Variants in CD4 observed in about 807,000 individuals in gnomAD.
CD4 encodes T-cell surface glycoprotein CD4.
Under a neutral mutation model 50.5 loss-of-function variants are expected in CD4, and 25 were observed. That is an observed-to-expected ratio of 0.49 (90% confidence interval 0.36 to 0.69). CD4 has a LOEUF of 0.69. Ranked by LOEUF, CD4 falls within the 30% of genes least tolerant of loss-of-function variation. CD4 has a pLI of 0.00. For missense variants in CD4, 456 were observed against 548.5 expected (o/e 0.83, Z 1.68); for synonymous variants, 207 against 221.9 (o/e 0.93, Z 0.60).
intron 1 of CD4, among the ~76,000 whole-genome samples, chr12:6,798,208 C>T (rs10849518): frequency 0.13 from 16,327 of 129,732 alleles, 2,985 homozygotes; most frequent in East Asian, 0.34. Context: ...CTTGCTCTGT[C>T]GCCCAGGCTG....
Position 6,808,450 on chromosome 12 carries a change from C to CAAAAAAAA in CD4, c.215-5667_215-5660dup, listed in dbSNP as rs3032789. 5.2e-3 allele frequency among the ~76,000 whole-genome samples: 198 copies of CAAAAAAAA among 37,742 alleles called. 19 individuals carry two copies. Among genetic ancestry groups the CAAAAAAAA allele is most frequent in the Non-Finnish European group, 8.7e-3 (95 of 10,866 alleles). 24.8% of individuals were successfully genotyped at this position (37,742 alleles called of 152,430 possible). On this transcript the variant is annotated intron_variant, in intron 3 of 9. Transcript: ENST00000011653. ...TGGGTGACAAAGTGAGATTCTGTCT[C>CAAAAAAAA]AAAAAAAAAAAAAAAAAAAAAAAAA... is the stretch of plus-strand genomic sequence containing the variant.
chr12:6,798,097 G>A (rs1488376354), intron 1 of CD4, among the ~76,000 whole-genome samples: 1 of 152,014 alleles, frequency 6.6e-6, no homozygotes, highest in Non-Finnish European at 1.5e-5. Flanking sequence ...CTTCCACAGT[G>A]TATTGTGTCT....
At chr12:6,796,580 A>T (rs1304082073) in intron 1 of CD4, among the ~76,000 whole-genome samples, 1 of 152,118 alleles carries the variant, frequency 6.6e-6, no homozygotes, top group Non-Finnish European at 1.5e-5. Context: ...GTCCCATGTC[A>T]TCTGGTCCCC....
chr12:6,817,441 G>A, intron 7 of CD4, 111 bp downstream of exon 7: 2 of 904,742 alleles, frequency 2.2e-6, no homozygotes, highest in East Asian at 5.3e-5. Context: ...GGGGGTTATG[G>A]GTATGGTGTC....
At position 6,816,106 on chromosome 12, in the gene CD4, G is replaced by C. The variant is rs200486856; in HGVS notation, c.658G>C (p.Glu220Gln). 48 of 1,614,078 alleles carry C rather than the reference G, an allele frequency of 3.0e-5. No homozygotes were observed. Among genetic ancestry groups the C allele is most frequent in the Non-Finnish European group, 2.5e-6 (3 of 1,180,044 alleles). ...CTATAAGAAAGAGGGGGAACAGGTG[G>C]AGTTCTCCTTCCCACTCGCCTTTAC... The part of the protein sequence containing the change: ...IVYKKEGEQV[E>Q]FSFPLAFTVE... Residue 220 changes from glutamate (E) to glutamine (Q), a missense_variant, in exon 6 of 10, where the codon GAG becomes CAG. Physicochemically the swap from Glu to Gln is conservative, Grantham distance 29. Coordinates refer to ENST00000011653, the MANE Select transcript of CD4 (RefSeq NM_000616.5). The surrounding 1 kb of genome is among the most constrained non-coding windows in gnomAD (Gnocchi z 4.9).
rs1943149371 is a variant in CD4, at chr12:6,818,103, C to T, written c.1157-318C>T. On this transcript the variant is annotated intron_variant, in intron 7 of 9. Coordinates refer to ENST00000011653, the MANE Select transcript of CD4 (RefSeq NM_000616.5). This position sits in a 1 kb window ranked among gnomAD's most constrained non-coding sequence, Gnocchi z 5.0. ...ATGGACTCACACGCGCACACGCGCG[C>T]ACACACACACATTCACACCATTCAC... Among the ~76,000 whole-genome samples the T allele has an allele frequency of 6.8e-6, 1 of 147,842 alleles. No homozygotes were observed. Among genetic ancestry groups the T allele is most frequent in the Non-Finnish European group, 1.5e-5 (1 of 67,162 alleles).
In CD4 at chr12:6,800,207, G is replaced by T; in HGVS notation, c.49+20G>T. ...AACTGGGTAAGTTCTCAGACCTGGG[G>T]TCTCAATGCAGATGACGTGGGAGGA... On this transcript the variant is annotated intron_variant, in intron 2 of 9. Coordinates refer to ENST00000011653, the MANE Select transcript of CD4 (RefSeq NM_000616.5). 6.4e-7 allele frequency: 1 copy of T among 1,561,930 alleles called. No homozygotes were observed.
At position 6,796,193 on chromosome 12, in the gene CD4, C is replaced by T. The variant is rs575300509; in HGVS notation, c.-67-3879C>T. On this transcript the variant is annotated intron_variant, in intron 1 of 9. Coordinates refer to ENST00000011653, the MANE Select transcript of CD4 (RefSeq NM_000616.5). ...GTGGCCACACAGCTGGCTAGACTGT[C>T]ATCTCTGTCCTCAAGGGGCTCAAGC... Among the ~76,000 whole-genome samples, 19 of 152,328 alleles carry T rather than the reference C, an allele frequency of 1.2e-4. No homozygotes were observed. The South Asian group carries it at 2.7e-3, about 22-fold the overall frequency.
chr12:6,803,945 A>C lies in CD4; in HGVS notation c.214+3474A>C, dbSNP rs187305487. Among the ~76,000 whole-genome samples, 751 of 151,694 alleles carry C rather than the reference A, an allele frequency of 5.0e-3. 5 individuals are homozygous for C. Among genetic ancestry groups the C allele is most frequent in the African/African-American group, 0.017 (717 of 41,328 alleles). The stretch of plus-strand genomic sequence containing the variant: ...GCTAACACAGTGAAACCCTGCCTCT[A>C]CTAAAAATACAAAAAGTCATCCAGG... On this transcript the variant is annotated intron_variant, in intron 3 of 9. Transcript: ENST00000011653.
rs1943087989 is a variant in CD4 at position 6,816,486 on chromosome 12, C to A, written c.955+83C>A. 1 of 1,143,536 alleles carries A rather than the reference C, an allele frequency of 8.7e-7. No homozygotes were observed. The allele number at this position is 1,143,536 out of a possible 1,614,324, so 70.8% of individuals were successfully genotyped here. ...AGGGCTCCCTCTGAGGCAAGCCAGG[C>A]CCCAAGAGGGGATGCCTAGGCCCTG... On this transcript the variant is annotated intron_variant, in intron 6 of 9. Coordinates refer to ENST00000011653, the MANE Select transcript of CD4 (RefSeq NM_000616.5). This position sits in a 1 kb window ranked among gnomAD's most constrained non-coding sequence, Gnocchi z 4.9.
intron 3 of CD4, among the ~76,000 whole-genome samples, chr12:6,801,080 A>AT (rs1196985546): frequency 2.0e-5 from 3 of 151,220 alleles, no homozygotes; most frequent in Admixed American, 6.6e-5. Context: ...TAATTTTTGT[A>AT]TTTTTTATAG....
chr12:6,808,551 T>C (rs1355389347), intron 3 of CD4, among the ~76,000 whole-genome samples: 1 of 151,736 alleles, frequency 6.6e-6, no homozygotes, highest in Non-Finnish European at 1.5e-5. Context: ...ATTTTCTTCT[T>C]TTTAAAAAGC....
Position 6,814,750 on chromosome 12 carries a change from C to T in CD4, c.374-9C>T. ...ATGTGTGTGACACAGCTGGCCTTTC[C>T]CTCCACAGTGACTGCCAACTCTGAC... On this transcript the variant is annotated splice_polypyrimidine_tract_variant and intron_variant, in intron 4 of 9. Transcript: ENST00000011653. 1 of 1,609,128 alleles carries T rather than the reference C, an allele frequency of 6.2e-7. No homozygotes were observed. The highest frequency in any genetic ancestry group is 8.5e-7 in the Non-Finnish European group (1 of 1,175,696).
At chr12:6,812,965 T>C (rs1396505416) in intron 3 of CD4, among the ~76,000 whole-genome samples, 2 of 151,962 alleles carry the variant, frequency 1.3e-5, no homozygotes, top group East Asian at 3.9e-4. Flanking sequence ...TGGAGTGCAG[T>C]GGCATGATCA....
chr12:6,816,045 C>T lies in CD4; in HGVS notation c.608-11C>T, dbSNP rs1555117864. ...TCTCCTCACCCAGGGTCTCTCCCTT[C>T]CCACCTCCAGCTTTCCAGAAGGCCT... On this transcript the variant is annotated splice_polypyrimidine_tract_variant and intron_variant, in intron 5 of 9. Transcript: ENST00000011653. The surrounding 1 kb of genome is among the most constrained non-coding windows in gnomAD (Gnocchi z 4.9). 1.9e-6 allele frequency: 3 copies of T among 1,613,988 alleles called. No homozygotes were observed. The highest frequency in any genetic ancestry group is 2.5e-6 in the Non-Finnish European group (3 of 1,179,972).
In CD4 at chr12:6,818,084, TCACACG is replaced by T. The variant is rs1441996270; in HGVS notation, c.1157-335_1157-330del. Among the ~76,000 whole-genome samples the T allele has an allele frequency of 2.9e-5, 3 of 102,958 alleles. No individual in the cohort carries two copies. Among genetic ancestry groups the T allele is most frequent in the Non-Finnish European group, 4.2e-5 (2 of 47,596 alleles). 67.5% of individuals were successfully genotyped at this position (102,958 alleles called of 152,430 possible). A position where few individuals can be genotyped will look rare whatever the true frequency, so the allele number is the denominator to read the frequency against. On this transcript the variant is annotated intron_variant, in intron 7 of 9. Transcript: ENST00000011653. The surrounding 1 kb of genome is among the most constrained non-coding windows in gnomAD (Gnocchi z 5.0). ...CACGCACACACATTCACACATGGAC[TCACACG>T]CGCACACGCGCGCACACACACACAT...
intron 1 of CD4, among the ~76,000 whole-genome samples, chr12:6,793,694 ATCTATC>A (rs1565488192): frequency 5.2e-5 from 2 of 38,662 alleles, no homozygotes; most frequent in African/African-American, 2.0e-4. Flanking sequence ...CTATCTATCT[ATCTATC>A]TATCTTTTTT....
intron 3 of CD4, among the ~76,000 whole-genome samples, chr12:6,806,058 G>T (rs1186672677): frequency 6.6e-6 from 1 of 151,734 alleles, no homozygotes; most frequent in Non-Finnish European, 1.5e-5. Context: ...CAGCACGTTG[G>T]GAGGCTGAGG....
chr12:6,803,566 C>A (rs1218526622), intron 3 of CD4, among the ~76,000 whole-genome samples: 1 of 147,860 alleles, frequency 6.8e-6, no homozygotes, highest in Non-Finnish European at 1.5e-5. Context: ...AGGCGGATCA[C>A]GAGGTCAGGA....
Sources: allele counts gnomAD v4.1 joint callset (sites outside exome capture counted in the v4.1 genomes callset), GRCh38; gene constraint gnomAD v4.1.1; non-coding constraint Gnocchi (gnomAD v3.1); transcripts MANE v1.5; gene names NCBI Gene and HGNC (gene_info 2026-07-23, HGNC 2026-07-21).